The following GOLM2 variants were observed in gnomAD, a reference collection of about 807,000 sequenced individuals.
The protein encoded by GOLM2 is protein GOLM2.
GOLM2 carries 26 observed loss-of-function variants against 55.9 expected under a neutral mutation model. The ratio of observed to expected loss-of-function variants is 0.47; its 90% CI spans 0.34 to 0.65. The LOEUF (loss-of-function observed/expected upper bound fraction) is 0.65. Ranked by LOEUF, GOLM2 falls within the 30% of genes least tolerant of loss-of-function variation. GOLM2 has a pLI of 0.01. For synonymous variants in GOLM2, 165 were observed against 194.6 expected, an observed-to-expected ratio of 0.85 and a Z score of 1.27; for missense variants, 486 against 531.8, an observed-to-expected ratio of 0.91 and a Z score of 0.85.
chr15:44,326,323 T>C lies in GOLM2; in HGVS notation c.383-2362T>C, dbSNP rs565695105. 2.1e-4 allele frequency among the ~76,000 whole-genome samples: 32 copies of C among 151,642 alleles called. No homozygotes were observed. In the South Asian group the frequency reaches 5.8e-3, roughly 28 times the overall value. On this transcript the variant is annotated intron_variant, in intron 2 of 9. Coordinates refer to ENST00000299957, the MANE Select transcript of GOLM2 (RefSeq NM_138423.4). ...TGGCTTGAATATGCAAAGATAATGA[T>C]TAACTACAAATATTTTATATGAATC...
intron 6 of GOLM2, among the ~76,000 whole-genome samples, chr15:44,378,806 C>T (rs754301781): frequency 7.9e-5 from 12 of 151,646 alleles, no homozygotes; most frequent in Admixed American, 5.3e-4. Flanking sequence ...AGTGCAATGG[C>T]GCGATCTCAG....
At chr15:44,365,010 G>A (rs528046410) in intron 6 of GOLM2, among the ~76,000 whole-genome samples, 12 of 152,132 alleles carry the variant, frequency 7.9e-5, no homozygotes, top group Non-Finnish European at 1.2e-4. Flanking sequence ...TACTTTGACC[G>A]TATGATCCTG....
rs1222394370 is a variant in GOLM2 at position 44,414,207 on chromosome 15, T to A, written c.*801T>A. On this transcript the variant is annotated 3_prime_UTR_variant, in exon 10 of 10. Coordinates refer to ENST00000299957, the MANE Select transcript of GOLM2 (RefSeq NM_138423.4). ...CCCTCATTTCACGCTCAAGGAGTCA[T>A]ACCTAGAATAGTTACACACAAGAGG... 1 of 152,214 alleles carries A rather than the reference T, an allele frequency of 6.6e-6. No homozygotes were observed. The highest frequency in any genetic ancestry group is 6.6e-5 in the Admixed American group (1 of 15,254). The allele number at this position is 152,214 out of a possible 1,614,324, so 9.4% of individuals were successfully genotyped here. A position where few individuals can be genotyped will look rare whatever the true frequency, so the allele number is the denominator to read the frequency against.
At chr15:44,338,812 C>T (rs2079073742) in intron 6 of GOLM2, among the ~76,000 whole-genome samples, 1 of 152,030 alleles carries the variant, frequency 6.6e-6, no homozygotes, top group Admixed American at 6.6e-5. Context: ...TTCTTCTTTT[C>T]TGGCCACTTC....
At chr15:44,356,858 G>T (rs534503507) in intron 6 of GOLM2, among the ~76,000 whole-genome samples, 1 of 152,234 alleles carries the variant, frequency 6.6e-6, no homozygotes, top group Admixed American at 6.5e-5. Context: ...ATATTAGCAA[G>T]TTGAATTCAA....
At chr15:44,304,915 G>C (rs2078826170) in intron 1 of GOLM2, among the ~76,000 whole-genome samples, 1 of 152,148 alleles carries the variant, frequency 6.6e-6, no homozygotes, top group Non-Finnish European at 1.5e-5. Context: ...CTGAAGTCTT[G>C]AATCCCCTCA....
intron 6 of GOLM2, among the ~76,000 whole-genome samples, chr15:44,369,817 G>A (rs1177818138): frequency 6.6e-6 from 1 of 151,828 alleles, no homozygotes; most frequent in Non-Finnish European, 1.5e-5. Context: ...TTTAAAATGT[G>A]TGTAACTTGA....
chr15:44,316,047 A>G (rs1232155287), intron 1 of GOLM2, among the ~76,000 whole-genome samples: 1 of 152,304 alleles, frequency 6.6e-6, no homozygotes, highest in Non-Finnish European at 1.5e-5. Context: ...TGTGGAATAT[A>G]TTTAGAAAAA....
intron 1 of GOLM2, among the ~76,000 whole-genome samples, chr15:44,304,903 C>T (rs964448729): frequency 6.6e-5 from 10 of 152,236 alleles, no homozygotes; most frequent in African/African-American, 2.4e-4. Context: ...TTACTTCCTC[C>T]ACTGAAGTCT....
intron 1 of GOLM2, among the ~76,000 whole-genome samples, chr15:44,318,451 A>G (rs992621141): frequency 1.3e-5 from 2 of 152,198 alleles, no homozygotes; most frequent in South Asian, 2.1e-4. Flanking sequence ...GCTTACGCCC[A>G]TAATCCCAGC....
chr15:44,321,000 A>G (rs1205444157), intron 1 of GOLM2, among the ~76,000 whole-genome samples: 1 of 152,216 alleles, frequency 6.6e-6, no homozygotes, highest in Non-Finnish European at 1.5e-5. Flanking sequence ...TAATACAGAT[A>G]TAATCAATTC....
At chr15:44,402,638 C>A in intron 8 of GOLM2, 1 of 348,424 alleles carries the variant, frequency 2.9e-6, no homozygotes, top group Admixed American at 4.1e-5. Context: ...TTTAAGAAAT[C>A]ATTCAAATTT....
intron 1 of GOLM2, among the ~76,000 whole-genome samples, chr15:44,310,995 C>T (rs977140966): frequency 4.6e-5 from 7 of 151,940 alleles, no homozygotes; most frequent in Non-Finnish European, 7.4e-5. Flanking sequence ...CCAGCCTGGG[C>T]GACAGAGTGA....
rs544881286 is a variant in GOLM2 at position 44,405,556 on chromosome 15, A to C, written c.1240+2502A>C. On this transcript the variant is annotated intron_variant, in intron 9 of 9. Coordinates refer to ENST00000299957, the MANE Select transcript of GOLM2 (RefSeq NM_138423.4). ...GGATCCTTTTTTTTAATTGAGACAG[A>C]GTCTTGCTCTGTCACCCAGGCTGAA... Among the ~76,000 whole-genome samples, 26 of 152,084 alleles carry C rather than the reference A, an allele frequency of 1.7e-4. No individual in the cohort carries two copies. In the South Asian group the frequency reaches 5.2e-3, roughly 30 times the overall value.
At chr15:44,392,002 C>T (rs1186985507) in intron 8 of GOLM2, among the ~76,000 whole-genome samples, 1 of 152,036 alleles carries the variant, frequency 6.6e-6, no homozygotes, top group Non-Finnish European at 1.5e-5. Flanking sequence ...AGGCACGTGC[C>T]ACCATGCCCT....
chr15:44,309,870 C>T (rs911176100), intron 1 of GOLM2, among the ~76,000 whole-genome samples: 1 of 151,788 alleles, frequency 6.6e-6, no homozygotes, highest in Non-Finnish European at 1.5e-5. Context: ...TTTAGAGGCC[C>T]CACCCCCTCA....
At chr15:44,319,980 T>C (rs1201279228) in intron 1 of GOLM2, among the ~76,000 whole-genome samples, 1 of 152,238 alleles carries the variant, frequency 6.6e-6, no homozygotes, top group Admixed American at 6.5e-5. Context: ...TGCATTTTAC[T>C]ATATCTAAAA....
chr15:44,347,402 A>G (rs1011635386), intron 6 of GOLM2, among the ~76,000 whole-genome samples: 1 of 152,172 alleles, frequency 6.6e-6, no homozygotes, highest in Non-Finnish European at 1.5e-5. Context: ...GAGAATCTAT[A>G]CACTTCCAGG....
intron 8 of GOLM2, among the ~76,000 whole-genome samples, chr15:44,388,559 AC>A (rs1370851156): frequency 3.3e-5 from 5 of 151,642 alleles, no homozygotes; most frequent in Non-Finnish European, 5.9e-5. Context: ...CTGTAGCCCC[AC>A]CTCCTTGGGT....
Sources: gnomAD v4.1 joint callset for allele counts (sites outside exome capture counted in the v4.1 genomes callset) on GRCh38, gnomAD v4.1.1 for gene constraint, MANE v1.5 for transcripts, NCBI Gene and HGNC (gene_info 2026-07-23, HGNC 2026-07-21) for gene names.